AUTS2: variants seen among roughly 807,000 people sequenced by gnomAD.
The protein encoded by AUTS2 is autism susceptibility gene 2 protein.
A neutral mutation model predicts 112.4 loss-of-function variants in AUTS2; 17 were observed. The observed-to-expected ratio is 0.15, with a 90% CI of 0.10 to 0.23. The LOEUF is 0.23. Among genes scored for constraint, AUTS2 ranks in the 10% least tolerant of loss-of-function variants. The pLI is 1.00. For missense variants in AUTS2, 1,510 were observed against 1,701.6 expected (o/e 0.89, Z 1.98); for synonymous variants, 751 against 702.7 (o/e 1.07, Z -1.09).
Position 70,768,037 on chromosome 7 carries a change from C to A in AUTS2, c.1703C>A (p.Pro568His). 1 of 1,608,864 alleles carries A rather than the reference C, an allele frequency of 6.2e-7. No homozygotes were observed. The highest frequency in any genetic ancestry group is 8.5e-7 in the Non-Finnish European group (1 of 1,178,374). ...TPAPPMFDKY[P>H]TKVDPFYRHS... ...ATCCCTTTACAGTTTGACAAATACC[C>A]TACAAAAGTTGACCCATTCTACCGG... Residue 568 changes from proline to histidine, a missense_variant, in exon 10 of 19, where the codon CCT (proline) becomes CAT (histidine). Physicochemically the swap from Pro to His is moderately conservative, Grantham distance 77. Coordinates refer to ENST00000342771, the MANE Select transcript of AUTS2 (RefSeq NM_015570.4).
At chr7:70,104,396 T>C (rs1323036447) in intron 2 of AUTS2, among the ~76,000 whole-genome samples, 1 of 152,172 alleles carries the variant, frequency 6.6e-6, no homozygotes, top group Non-Finnish European at 1.5e-5. Context: ...ATTGGCGAAA[T>C]ATCCTGCTGA....
rs934283553 is a variant in AUTS2 at position 70,239,654 on chromosome 7, T to C, written c.660+105083T>C. ...TTCCCCATGTTGGCCAGGCTGGTCTTGAACTCCTGACCTCAGGTGATCTGC... is the reference window on the plus strand; with the variant it reads ...TTCCCCATGTTGGCCAGGCTGGTCTCGAACTCCTGACCTCAGGTGATCTGC... On this transcript the variant is annotated intron_variant, in intron 4 of 18. Transcript: ENST00000342771. Among the ~76,000 whole-genome samples the C allele has an allele frequency of 5.9e-5, 9 of 152,192 alleles. 1 individual carries two copies. The South Asian group carries it at 6.2e-4, about 11-fold the overall frequency.
At chr7:69,651,072 T>C (rs1795265558) in intron 1 of AUTS2, among the ~76,000 whole-genome samples, 1 of 152,230 alleles carries the variant, frequency 6.6e-6, no homozygotes, top group South Asian at 2.1e-4. Context: ...AATTAGGTTA[T>C]AGGCCATTGG....
intron 1 of AUTS2, among the ~76,000 whole-genome samples, chr7:69,806,356 CTTAT>C (rs1023137651): frequency 1.3e-5 from 2 of 151,706 alleles, no homozygotes; most frequent in Admixed American, 6.6e-5. Context: ...ATGATAATAG[CTTAT>C]TTGTGTTGAG....
At chr7:70,491,538 A>G (rs965896152) in intron 5 of AUTS2, among the ~76,000 whole-genome samples, 2 of 148,100 alleles carry the variant, frequency 1.4e-5, no homozygotes, top group Non-Finnish European at 3.0e-5. Context: ...TATTATATAT[A>G]CACATATATG....
chr7:69,949,881 T>C (rs989191703), intron 2 of AUTS2, among the ~76,000 whole-genome samples: 1 of 152,194 alleles, frequency 6.6e-6, no homozygotes, highest in South Asian at 2.1e-4. Context: ...GCATAGTAGA[T>C]AATTAATAGA....
chr7:69,949,359 C>T (rs575325745), intron 2 of AUTS2, among the ~76,000 whole-genome samples: 2 of 152,148 alleles, frequency 1.3e-5, no homozygotes, highest in South Asian at 4.1e-4. Flanking sequence ...ATGTTTGTCA[C>T]GAATCATCCC....
intron 1 of AUTS2, among the ~76,000 whole-genome samples, chr7:69,831,525 A>G (rs916629457): frequency 1.3e-5 from 2 of 152,128 alleles, no homozygotes; most frequent in African/African-American, 4.8e-5. Flanking sequence ...AGGGTGCTGG[A>G]GAACCTGGAA....
intron 3 of AUTS2, among the ~76,000 whole-genome samples, chr7:70,120,671 G>A (rs1039555337): frequency 6.6e-6 from 1 of 151,980 alleles, no homozygotes; most frequent in African/African-American, 2.4e-5. Flanking sequence ...GGATCTTTTG[G>A]CTTGTTTCCT....
chr7:69,781,156 A>G (rs1020934703), intron 1 of AUTS2, among the ~76,000 whole-genome samples: 3 of 152,230 alleles, frequency 2.0e-5, no homozygotes, highest in Admixed American at 1.3e-4. Flanking sequence ...TATTAGTCCT[A>G]CAATGAAAAT....
At chr7:70,343,097 C>G (rs933003616) in intron 4 of AUTS2, among the ~76,000 whole-genome samples, 4 of 152,184 alleles carry the variant, frequency 2.6e-5, no homozygotes, top group African/African-American at 9.7e-5. Context: ...CTTCAACAAA[C>G]TCCCTCTCTA....
chr7:69,954,493 G>A (rs1797142759), intron 2 of AUTS2, among the ~76,000 whole-genome samples: 1 of 152,158 alleles, frequency 6.6e-6, no homozygotes, highest in Admixed American at 6.6e-5. Flanking sequence ...GCCCAGACTG[G>A]AATGCAGTGG....
At chr7:69,866,321 G>A (rs1009760281) in intron 1 of AUTS2, among the ~76,000 whole-genome samples, 1 of 152,118 alleles carries the variant, frequency 6.6e-6, no homozygotes, top group African/African-American at 2.4e-5. Flanking sequence ...CCTTATAGGT[G>A]TGTGTTTTGT....
At chr7:70,761,143 C>T (rs1248445101) in intron 6 of AUTS2, among the ~76,000 whole-genome samples, 1 of 152,108 alleles carries the variant, frequency 6.6e-6, no homozygotes, top group African/African-American at 2.4e-5. Flanking sequence ...TACAACAGTA[C>T]GTAAACAGAA....
chr7:70,674,814 A>G (rs1340809691), intron 5 of AUTS2, among the ~76,000 whole-genome samples: 1 of 152,222 alleles, frequency 6.6e-6, no homozygotes. Flanking sequence ...AGAATCCACA[A>G]TGGATTTCAG....
At position 70,105,552 on chromosome 7, in the gene AUTS2, G is replaced by A. The variant is rs190631798; in HGVS notation, c.523-12580G>A. On this transcript the variant is annotated intron_variant, in intron 2 of 18. Transcript: ENST00000342771. ...AGATTACAGGCATAAGCACATACCCGGACCCACATTTGTTTTATGTAGTGG... is the reference window on the plus strand; with the variant it reads ...AGATTACAGGCATAAGCACATACCCAGACCCACATTTGTTTTATGTAGTGG... 2.0e-3 allele frequency among the ~76,000 whole-genome samples: 302 copies of A among 152,094 alleles called. 1 individual carries two copies. Among genetic ancestry groups the A allele is most frequent in the South Asian group, 0.011 (51 of 4,800 alleles).
chr7:70,487,648 G>A (rs1157069624), intron 5 of AUTS2, among the ~76,000 whole-genome samples: 1 of 152,186 alleles, frequency 6.6e-6, no homozygotes, highest in African/African-American at 2.4e-5. Context: ...CATGCTAAAT[G>A]TGATAAATGA....
At chr7:70,416,304 A>G (rs1489579705) in intron 4 of AUTS2, among the ~76,000 whole-genome samples, 1 of 152,232 alleles carries the variant, frequency 6.6e-6, no homozygotes, top group African/African-American at 2.4e-5. Flanking sequence ...AATTTGTTTC[A>G]TATTTTATAT....
At chr7:70,713,528 CA>C (rs1403601996) in intron 6 of AUTS2, among the ~76,000 whole-genome samples, 1 of 152,146 alleles carries the variant, frequency 6.6e-6, no homozygotes, top group Non-Finnish European at 1.5e-5. Context: ...AGGCATCTTC[CA>C]AAACTAGTTG....
Sources: allele counts gnomAD v4.1 joint callset (sites outside exome capture counted in the v4.1 genomes callset), GRCh38; gene constraint gnomAD v4.1.1; transcripts MANE v1.5; gene names NCBI Gene and HGNC (gene_info 2026-07-23, HGNC 2026-07-21).